CD99L2: variants seen among roughly 807,000 people sequenced by gnomAD.
The protein encoded by CD99L2 is CD99 molecule like 2, also known as CD99 antigen-like protein 2.
CD99L2 carries 24 observed loss-of-function variants against 27.3 expected under a neutral mutation model. The ratio of observed to expected loss-of-function variants is 0.88; its 90% CI spans 0.64 to 1.24. The LOEUF is 1.24. CD99L2 is among the 50% of genes most tolerant of loss of function. CD99L2 has a pLI of 0.00. For missense variants in CD99L2, 255 were observed against 221.6 expected (o/e 1.15, Z -0.96); for synonymous variants, 97 against 87.9 (o/e 1.10, Z -0.58).
chrX:150,793,554 C>A, intron 7 of CD99L2, 137 bp downstream of exon 7: 1 of 484,260 alleles, frequency 2.1e-6, no homozygotes, highest in Non-Finnish European at 3.4e-6. Flanking sequence ...TCACATCATT[C>A]CAAATGAACC....
chrX:150,822,557 A>G (rs2046257643), intron 2 of CD99L2, among the ~76,000 whole-genome samples: 1 of 112,051 alleles, frequency 8.9e-6, no homozygotes, highest in Non-Finnish European at 1.9e-5. Flanking sequence ...AAGTCTAGTG[A>G]TCTAATGTAA....
At chrX:150,804,166 A>G (rs1352304097) in intron 4 of CD99L2, among the ~76,000 whole-genome samples, 3 of 112,128 alleles carry the variant, frequency 2.7e-5, no homozygotes, top group Admixed American at 1.9e-4. Flanking sequence ...TAGGTCACAG[A>G]AAAGGTCTTA....
At chrX:150,841,171 A>G (rs148962568) in intron 1 of CD99L2, among the ~76,000 whole-genome samples, 297 of 112,052 alleles carry the variant, frequency 2.7e-3, no homozygotes, top group African/African-American at 8.6e-3. Context: ...GAAATGAAAT[A>G]TGGCTCTTCC....
intron 1 of CD99L2, among the ~76,000 whole-genome samples, chrX:150,835,919 C>T (rs1253454920): frequency 9.0e-6 from 1 of 111,081 alleles, no homozygotes; most frequent in Admixed American, 9.6e-5. Flanking sequence ...CCAGGTCTCA[C>T]AAAGGCTACT....
chrX:150,880,553 G>A (rs1417711589), intron 1 of CD99L2, among the ~76,000 whole-genome samples: 1 of 111,767 alleles, frequency 8.9e-6, no homozygotes, highest in Non-Finnish European at 1.9e-5. Flanking sequence ...GGGAAGGTGG[G>A]AAATGGGAGG....
intron 1 of CD99L2, among the ~76,000 whole-genome samples, chrX:150,887,449 G>T (rs868968892): frequency 7.1e-5 from 7 of 98,339 alleles, no homozygotes; most frequent in African/African-American, 1.9e-4. Flanking sequence ...TCCGTCTCCA[G>T]AAATAAATAA....
intron 1 of CD99L2, among the ~76,000 whole-genome samples, chrX:150,858,985 G>A (rs782706314): frequency 6.0e-4 from 66 of 110,560 alleles, no homozygotes; most frequent in Non-Finnish European, 1.0e-3. Flanking sequence ...GAAGAGAGAA[G>A]ACCCAAGTAA....
At chrX:150,821,052 T>C (rs1388422047) in intron 2 of CD99L2, among the ~76,000 whole-genome samples, 1 of 112,106 alleles carries the variant, frequency 8.9e-6, no homozygotes, top group Non-Finnish European at 1.9e-5. Flanking sequence ...CCTACGTCCA[T>C]AGATTACAAG....
chrX:150,895,192 T>C (rs1557423035), intron 1 of CD99L2, among the ~76,000 whole-genome samples: 1 of 110,801 alleles, frequency 9.0e-6, no homozygotes, highest in Non-Finnish European at 1.9e-5. Flanking sequence ...GGCATATAGG[T>C]GTTCCAGAAA....
chrX:150,800,259 T>C (rs1392278817), intron 4 of CD99L2, among the ~76,000 whole-genome samples: 2 of 110,973 alleles, frequency 1.8e-5, no homozygotes, highest in Admixed American at 9.6e-5. Context: ...TGTAGGGGTA[T>C]AGGGTTTCTA....
intron 9 of CD99L2, among the ~76,000 whole-genome samples, chrX:150,775,189 G>A (rs1334734919): frequency 8.9e-6 from 1 of 112,356 alleles, no homozygotes; most frequent in Non-Finnish European, 1.9e-5. Context: ...TAAGGGCGGA[G>A]GGCCACAGCA....
Position 150,795,088 on chromosome X carries a change from C to T in CD99L2, c.430+118G>A, listed in dbSNP as rs2045771678. 4 of 791,793 alleles carry T rather than the reference C, an allele frequency of 5.1e-6. No homozygotes were observed. In the Admixed American group the frequency reaches 8.3e-5, roughly 16 times the overall value. 65.3% of individuals were successfully genotyped at this position (791,793 alleles called of 1,213,427 possible). On this transcript the variant is annotated intron_variant, in intron 6 of 10. Coordinates refer to ENST00000370377, the MANE Select transcript of CD99L2 (RefSeq NM_031462.4). ...CCCCAGACCAAAAAAGTTTGAGTAC[C>T]ACCATTATAGGGTTCTCCAGTGGCT...
chrX:150,793,892 TC>T (rs1233183147), intron 6 of CD99L2, 136 bp from the exon 7 acceptor site: 3 of 463,820 alleles, frequency 6.5e-6, no homozygotes, highest in Non-Finnish European at 1.0e-5. Context: ...TTCTAAGAGG[TC>T]CCCCCAGACC....
At chrX:150,821,311 T>C (rs782168162) in intron 2 of CD99L2, among the ~76,000 whole-genome samples, 9 of 112,313 alleles carry the variant, frequency 8.0e-5, no homozygotes, top group Admixed American at 1.9e-4. Context: ...AGCTTAAGAA[T>C]ACACATATAG....
rs782818628 is a variant in CD99L2, at chrX:150,814,896, A to G, written c.243T>C (p.Asp81=). 5.0e-6 allele frequency: 6 copies of G among 1,209,391 alleles called. No individual in the cohort carries two copies. Among genetic ancestry groups the G allele is most frequent in the Admixed American group, 4.4e-5 (2 of 45,656 alleles). The part of the protein sequence containing the change: ...LDLADALDDQ[D]DGRRKPGIGG... ...CTATACCCGGTTTCCTGCGGCCATC[A>G]TCTTGATCATCCAAAGCATCAGCCA... The change falls in exon 4 of 11, where the codon GAT becomes GAC. Residue 81 remains aspartate (D), a synonymous_variant. Transcript: ENST00000370377.
intron 1 of CD99L2, among the ~76,000 whole-genome samples, chrX:150,882,174 T>C (rs1234295794): frequency 9.0e-6 from 1 of 111,061 alleles, no homozygotes. Flanking sequence ...CAAGACCTTG[T>C]TTCCTCCTCC....
intron 1 of CD99L2, among the ~76,000 whole-genome samples, chrX:150,848,532 T>G (rs2046738024): frequency 1.1e-5 from 1 of 95,046 alleles, no homozygotes; most frequent in African/African-American, 3.7e-5. Context: ...TGGTAAGTAT[T>G]ATGTGGGTTC....
intron 1 of CD99L2, among the ~76,000 whole-genome samples, chrX:150,836,758 TAC>T (rs1438230110): frequency 8.9e-6 from 1 of 112,085 alleles, no homozygotes; most frequent in Non-Finnish European, 1.9e-5. Context: ...TGGTGTAGCC[TAC>T]TACACACCTA....
chrX:150,883,697 C>A (rs1157806241), intron 1 of CD99L2, among the ~76,000 whole-genome samples: 3 of 111,074 alleles, frequency 2.7e-5, no homozygotes, highest in African/African-American at 9.8e-5. Context: ...ATAAGCAGTA[C>A]ACAGCCAAAA....
Sources: gnomAD v4.1 joint callset for allele counts (sites outside exome capture counted in the v4.1 genomes callset) on GRCh38, gnomAD v4.1.1 for gene constraint, MANE v1.5 for transcripts, NCBI Gene and HGNC (gene_info 2026-07-23, HGNC 2026-07-21) for gene names.